Variants in ZC3H6 observed in about 807,000 individuals in gnomAD.
The protein encoded by ZC3H6 is zinc finger CCCH-type containing 6.
In ZC3H6, 40 loss-of-function variants were observed where a neutral mutation model predicts 107.7. The ratio of observed to expected loss-of-function variants is 0.37; its 90% CI spans 0.29 to 0.48. The LOEUF is 0.48. Among genes scored for constraint, ZC3H6 ranks in the 20% least tolerant of loss-of-function variants. The pLI is 0.98. For synonymous variants in ZC3H6, 493 were observed against 487.9 expected (o/e 1.01, Z -0.14); for missense variants, 1,267 against 1,410.4 (o/e 0.90, Z 1.63).
intron 5 of ZC3H6, among the ~76,000 whole-genome samples, chr2:112,316,051 A>G (rs1676689605): frequency 6.6e-6 from 1 of 152,144 alleles, no homozygotes; most frequent in Non-Finnish European, 1.5e-5. Flanking sequence ...ATATGACTAG[A>G]TCTTTGTGTC....
At chr2:112,309,766 C>T (rs1310264816) in intron 3 of ZC3H6, 119 bp from the exon 4 acceptor site, 1 of 972,326 alleles carries the variant, frequency 1.0e-6, no homozygotes, top group Non-Finnish European at 1.5e-6. Flanking sequence ...AGAGTCAGAA[C>T]TAATAACTGT....
chr2:112,280,267 C>G (rs1414091916), intron 1 of ZC3H6, among the ~76,000 whole-genome samples: 4 of 152,174 alleles, frequency 2.6e-5, no homozygotes, highest in Non-Finnish European at 4.4e-5. Flanking sequence ...TAACTTACTT[C>G]TGATTCCTGA....
chr2:112,289,828 C>T (rs757172289), intron 1 of ZC3H6, among the ~76,000 whole-genome samples: 1 of 152,226 alleles, frequency 6.6e-6, no homozygotes, highest in Non-Finnish European at 1.5e-5. Context: ...CTAGCCTCGA[C>T]CTCCCAGGCT....
intron 8 of ZC3H6, among the ~76,000 whole-genome samples, chr2:112,322,220 CT>C (rs1676816073): frequency 1.4e-5 from 2 of 146,506 alleles, no homozygotes; most frequent in South Asian, 4.4e-4. Context: ...TGTCTCTTTT[CT>C]TTTCTTTTCT....
chr2:112,311,758 G>C (rs1440727750), intron 4 of ZC3H6, 46 bp from the exon 5 acceptor site: 2 of 1,517,838 alleles, frequency 1.3e-6, no homozygotes, highest in South Asian at 1.2e-5. Context: ...AAATTGAAAG[G>C]TATGCTGTTT....
Position 112,338,855 on chromosome 2 carries a change from GTATATATATATATATATATATATATA to G in ZC3H6, c.*6400_*6425del, listed in dbSNP as rs1157174486. On this transcript the variant is annotated 3_prime_UTR_variant, in exon 12 of 12. Coordinates refer to ENST00000409871, the MANE Select transcript of ZC3H6 (RefSeq NM_198581.3). ...TATATATATATGTATGTATATGTGT[GTATATATATATATATATATATATATA>G]TATATATATATATATATATATATAT... The G allele has an allele frequency of 0.24, 9,193 of 38,482 alleles. 794 individuals are homozygous for G. The highest frequency in any genetic ancestry group is 0.26 in the Admixed American group (800 of 3,124). 2.4% of individuals were successfully genotyped at this position (38,482 alleles called of 1,614,324 possible). A position where few individuals can be genotyped will look rare whatever the true frequency, so the allele number is the denominator to read the frequency against.
At chr2:112,311,038 A>G (rs1351026006) in intron 4 of ZC3H6, among the ~76,000 whole-genome samples, 3 of 152,254 alleles carry the variant, frequency 2.0e-5, no homozygotes, top group Non-Finnish European at 2.9e-5. Context: ...ATCAGGGATC[A>G]TCCCACTTGG....
chr2:112,322,964 CTAAG>C (rs1162246407), intron 9 of ZC3H6, 62 bp downstream of exon 9: 1 of 1,464,076 alleles, frequency 6.8e-7, no homozygotes, highest in African/African-American at 1.4e-5. Flanking sequence ...CATTAAGAAA[CTAAG>C]TCATACTCCA....
Position 112,324,210 on chromosome 2 carries a change from C to G in ZC3H6, c.1399C>G (p.Pro467Ala), listed in dbSNP as rs1676857809. 6.2e-7 allele frequency: 1 copy of G among 1,604,214 alleles called. No homozygotes were observed. The highest frequency in any genetic ancestry group is 1.3e-5 in the African/African-American group (1 of 74,760). The change falls in exon 10 of 12, where the codon CCA becomes GCA. Residue 467 changes from proline (P) to alanine (A), a missense_variant. Pro to Ala is a conservative substitution (Grantham distance 27). Coordinates refer to ENST00000409871, the MANE Select transcript of ZC3H6 (RefSeq NM_198581.3). ...AGGACCACAATTTCAGGGAAGCAGTCCACACCCTCAACATATCTATAGTTC... is the reference window on the plus strand; with the variant it reads ...AGGACCACAATTTCAGGGAAGCAGTGCACACCCTCAACATATCTATAGTTC... The part of the protein sequence containing the change: ...PPGPQFQGSS[P>A]HPQHIYSSGS...
At chr2:112,285,960 CA>C (rs370798965) in intron 1 of ZC3H6, 3,017 of 162,250 alleles carry the variant, frequency 0.019, no homozygotes, top group South Asian at 0.056. Context: ...GTCTCCGTCT[CA>C]AAAAAAAAAA....
At chr2:112,278,438 C>T (rs551205668) in intron 1 of ZC3H6, among the ~76,000 whole-genome samples, 3 of 152,332 alleles carry the variant, frequency 2.0e-5, no homozygotes, top group Non-Finnish European at 4.4e-5. Context: ...CTGCCTCAGC[C>T]TCCTGAGTAG....
At chr2:112,285,764 C>G (rs1022984439) in intron 1 of ZC3H6, among the ~76,000 whole-genome samples, 1 of 151,956 alleles carries the variant, frequency 6.6e-6, no homozygotes, top group Non-Finnish European at 1.5e-5. Context: ...AGTTCAAGAC[C>G]AGCCTGGCTA....
chr2:112,321,671 A>C, intron 7 of ZC3H6, 85 bp from the exon 8 acceptor site: 2 of 650,014 alleles, frequency 3.1e-6, no homozygotes, highest in Non-Finnish European at 5.1e-6. Flanking sequence ...GAACTTAACT[A>C]TCTTGTCTAA....
At position 112,338,659 on chromosome 2, in the gene ZC3H6, T is replaced by C. The variant is rs939160332; in HGVS notation, c.*6171T>C. On this transcript the variant is annotated 3_prime_UTR_variant, in exon 12 of 12. Coordinates refer to ENST00000409871, the MANE Select transcript of ZC3H6 (RefSeq NM_198581.3). ...ATACTTCTTGGCTCATTACTGATTT[T>C]AATACCTTCATGAGAGTATTAAGGT... is the stretch of plus-strand genomic sequence containing the variant. 6 of 151,984 alleles carry C rather than the reference T, an allele frequency of 3.9e-5. No homozygotes were observed. Among genetic ancestry groups the C allele is most frequent in the African/African-American group, 1.4e-4 (6 of 41,422 alleles). 9.4% of individuals were successfully genotyped at this position (151,984 alleles called of 1,614,324 possible). A position where few individuals can be genotyped will look rare whatever the true frequency, so the allele number is the denominator to read the frequency against.
Position 112,334,198 on chromosome 2 carries a change from A to T in ZC3H6, c.*1710A>T. ...AAGTATTTTCTGATTTACTGTCCAAATGAATTTTGTTGTTAATTGAGAAGT... is the reference window on the plus strand; with the variant it reads ...AAGTATTTTCTGATTTACTGTCCAATTGAATTTTGTTGTTAATTGAGAAGT... On this transcript the variant is annotated 3_prime_UTR_variant, in exon 12 of 12. Coordinates refer to ENST00000409871, the MANE Select transcript of ZC3H6 (RefSeq NM_198581.3). 6.6e-6 allele frequency: 1 copy of T among 152,144 alleles called. No homozygotes were observed. Among genetic ancestry groups the T allele is most frequent in the East Asian group, 1.9e-4 (1 of 5,198 alleles). 9.4% of individuals were successfully genotyped at this position (152,144 alleles called of 1,614,324 possible).
chr2:112,318,343 T>A (rs978781770), intron 7 of ZC3H6, among the ~76,000 whole-genome samples: 1 of 152,090 alleles, frequency 6.6e-6, no homozygotes, highest in Admixed American at 6.5e-5. Flanking sequence ...CAAATACATA[T>A]AACATGAGCT....
At position 112,294,124 on chromosome 2, in the gene ZC3H6, T is replaced by C. The variant is rs544487597; in HGVS notation, c.33-5725T>C. On this transcript the variant is annotated intron_variant, in intron 1 of 11. Transcript: ENST00000409871. ...GCCTTGTAGCAGCACCTCACAATAC[T>C]GCCTATCTTTCCATATTCTGAAGGA... is the stretch of plus-strand genomic sequence containing the variant. Among the ~76,000 whole-genome samples the C allele has an allele frequency of 3.6e-4, 55 of 152,318 alleles. No homozygotes were observed. In the South Asian group the frequency reaches 0.011, roughly 30 times the overall value.
intron 4 of ZC3H6, 52 bp downstream of exon 4, chr2:112,310,213 G>C: frequency 6.5e-7 from 1 of 1,537,160 alleles, no homozygotes; most frequent in Non-Finnish European, 8.8e-7. Flanking sequence ...TATTAAAACA[G>C]GCAGCTATGG....
intron 4 of ZC3H6, 132 bp from the exon 5 acceptor site, chr2:112,311,672 A>T: frequency 1.4e-6 from 1 of 740,286 alleles, no homozygotes; most frequent in Non-Finnish European, 2.0e-6. Context: ...AATTTTTTTC[A>T]TTGAATCTAG....
Sources: allele counts gnomAD v4.1 joint callset (sites outside exome capture counted in the v4.1 genomes callset), GRCh38; gene constraint gnomAD v4.1.1; transcripts MANE v1.5; gene names NCBI Gene and HGNC (gene_info 2026-07-23, HGNC 2026-07-21).